The following TGDS variants were observed in gnomAD, a reference collection of about 807,000 sequenced individuals.
TGDS encodes UDP-D-glucose 4,6-dehydratase.
Under a neutral mutation model 52.3 loss-of-function variants are expected in TGDS, and 47 were observed. The observed-to-expected ratio is 0.90, with a 90% confidence interval of 0.71 to 1.15. The LOEUF (loss-of-function observed/expected upper bound fraction) is 1.15. Among genes scored for constraint, TGDS ranks in the 50% most tolerant of loss-of-function variants. TGDS has a pLI of 0.00. For missense variants in TGDS, 375 were observed against 418.4 expected (o/e 0.90, Z 0.90); for synonymous variants, 115 against 136.9 (o/e 0.84, Z 1.12).
At position 94,583,453 on chromosome 13, in the gene TGDS, G is replaced by A. The variant is rs143664089; in HGVS notation, c.314-217C>T. ...AATTCTCAGAACCCAGAAAACTAAT[G>A]TTAAATTTGCAGGAAAGTTTTTTAT... On this transcript the variant is annotated intron_variant, in intron 4 of 11. Transcript: ENST00000261296. 2.6e-3 allele frequency among the ~76,000 whole-genome samples: 397 copies of A among 152,146 alleles called. 1 individual carries two copies. Among genetic ancestry groups the A allele is most frequent in the African/African-American group, 9.1e-3 (377 of 41,512 alleles).
At position 94,594,055 on chromosome 13, in the gene TGDS, T is replaced by C. The variant is rs1889293468; in HGVS notation, c.87-148A>G. On this transcript the variant is annotated intron_variant, in intron 1 of 11. Coordinates refer to ENST00000261296, the MANE Select transcript of TGDS (RefSeq NM_014305.4). Reference sequence around the variant, plus strand: ...ACAGAAAACATAACTACACTAAATATACACACATGCAAACTTTTTACCAAA... The same window carrying C: ...ACAGAAAACATAACTACACTAAATACACACACATGCAAACTTTTTACCAAA... The C allele has an allele frequency of 7.4e-6, 4 of 539,732 alleles. No homozygotes were observed. The South Asian group carries it at 1.1e-4, about 15-fold the overall frequency. 33.4% of individuals were successfully genotyped at this position (539,732 alleles called of 1,614,324 possible). A position where few individuals can be genotyped will look rare whatever the true frequency, so the allele number is the denominator to read the frequency against.
intron 1 of TGDS, among the ~76,000 whole-genome samples, chr13:94,594,895 C>G (rs1053872440): frequency 9.9e-5 from 15 of 152,282 alleles, no homozygotes; most frequent in African/African-American, 3.6e-4. Flanking sequence ...ATTACTCTTG[C>G]ATTCATCCAT....
upstream of TGDS, chr13:94,596,265 G>A: frequency 9.7e-7 from 1 of 1,029,010 alleles, no homozygotes; most frequent in Non-Finnish European, 1.4e-6. Flanking sequence ...GGCAGCTTCC[G>A]GAGACTGCTC....
In TGDS at chr13:94,587,790, G is replaced by A. The variant is rs539433093; in HGVS notation, c.313+3063C>T. Among the ~76,000 whole-genome samples, 8 of 150,678 alleles carry A rather than the reference G, an allele frequency of 5.3e-5. No homozygotes were observed. The South Asian group carries it at 1.7e-3, about 32-fold the overall frequency. The stretch of plus-strand genomic sequence containing the variant: ...AGGCGGGTGGATCACGAGGTCAGGA[G>A]ATCGAGACCGTCCTGGCTAACACGG... On this transcript the variant is annotated intron_variant, in intron 4 of 11. Coordinates refer to ENST00000261296, the MANE Select transcript of TGDS (RefSeq NM_014305.4).
chr13:94,578,279 G>T, intron 8 of TGDS, 109 bp from the exon 9 acceptor site: 1 of 1,007,558 alleles, frequency 9.9e-7, no homozygotes, highest in South Asian at 1.6e-5. Context: ...GGGGATCCCA[G>T]AATCTTTACT....
Position 94,576,516 on chromosome 13 carries a change from T to C in TGDS, c.885-105A>G, listed in dbSNP as rs1408806163. ...CATTTTTACCACAACCCAACTTTTCTCTTTACAAAAATTCCCAATAGGTTT... is the reference window on the plus strand; with the variant it reads ...CATTTTTACCACAACCCAACTTTTCCCTTTACAAAAATTCCCAATAGGTTT... On this transcript the variant is annotated intron_variant, in intron 10 of 11. Coordinates refer to ENST00000261296, the MANE Select transcript of TGDS (RefSeq NM_014305.4). The C allele has an allele frequency of 9.2e-6, 6 of 654,004 alleles. No homozygotes were observed. In the African/African-American group the frequency reaches 1.1e-4, roughly 12 times the overall value. 40.5% of individuals were successfully genotyped at this position (654,004 alleles called of 1,614,324 possible). A position where few individuals can be genotyped will look rare whatever the true frequency, so the allele number is the denominator to read the frequency against.
At chr13:94,594,979 C>T (rs751558237) in intron 1 of TGDS, among the ~76,000 whole-genome samples, 16 of 152,240 alleles carry the variant, frequency 1.1e-4, no homozygotes, top group Admixed American at 4.6e-4. Flanking sequence ...TAGTCTCTGT[C>T]CTTACCGAGT....
At chr13:94,578,645 A>T in intron 8 of TGDS, 85 bp downstream of exon 8, 1 of 1,037,022 alleles carries the variant, frequency 9.6e-7, no homozygotes, top group South Asian at 1.4e-5. Flanking sequence ...TATGGCCTTT[A>T]AGACTTTATG....
Position 94,578,147 on chromosome 13 carries a change from T to G in TGDS, c.683A>C (p.Gln228Pro), listed in dbSNP as rs753854206. 2.5e-6 allele frequency: 4 copies of G among 1,613,638 alleles called. No individual in the cohort carries two copies. In the East Asian group the frequency reaches 6.7e-5, roughly 27 times the overall value. ...RKCCIHGSGLQTRNFLYATDV... is the reference protein window; with the variant it reads ...RKCCIHGSGLPTRNFLYATDV... ...AGTAGCATAAAGGAAGTTTCTTGTT[T>G]GAAGCCCTGACCCATGAATGCAACT... The change falls in exon 9 of 12, where the codon CAA becomes CCA. Residue 228 changes from glutamine (Q) to proline (P), a missense_variant. Transcript: ENST00000261296.
intron 8 of TGDS, among the ~76,000 whole-genome samples, 161 bp downstream of exon 8, chr13:94,578,569 T>C (rs1005807571): frequency 6.6e-6 from 1 of 152,170 alleles, no homozygotes; most frequent in Non-Finnish European, 1.5e-5. Flanking sequence ...AAAAATAAGA[T>C]ACAGATTATT....
intron 2 of TGDS, among the ~76,000 whole-genome samples, 154 bp downstream of exon 2, chr13:94,593,683 TTAAA>T (rs1889281049): frequency 1.3e-5 from 2 of 152,158 alleles, no homozygotes; most frequent in Admixed American, 6.5e-5. Context: ...TTATATAAGA[TTAAA>T]TACAGCATGA....
chr13:94,592,236 C>A lies in TGDS; in HGVS notation c.222+5G>T. On this transcript the variant is annotated splice_donor_5th_base_variant and intron_variant, in intron 3 of 11. Transcript: ENST00000261296. ...CACGGTACAGTTACAAGAAAATGTT[C>A]ATACCTGTATAAATTTGTAGTTCTG... 1 of 1,601,390 alleles carries A rather than the reference C, an allele frequency of 6.2e-7. No homozygotes were observed. The highest frequency in any genetic ancestry group is 1.1e-5 in the South Asian group (1 of 89,308).
rs747218336 is a variant in TGDS, at chr13:94,596,095, G to T, written c.42C>A (p.Gly14=). The T allele has an allele frequency of 5.6e-6, 9 of 1,614,136 alleles. No individual in the cohort carries two copies. In the Middle Eastern group the frequency reaches 9.9e-4, roughly 178 times the overall value. ...TCACCAGGACCCGCTTCGCAAAGCC[G>T]CCGGGAAGACCCCACGGTTCCTCCC... ...ACWEEPWGLP[G]GFAKRVLVTG... The change falls in exon 1 of 12, where the codon GGC becomes GGA. Residue 14 remains glycine (G), a synonymous_variant. Transcript: ENST00000261296.
In TGDS at chr13:94,579,136, A is replaced by G. The variant is rs1030732319; in HGVS notation, c.616-363T>C. The G allele has an allele frequency of 2.6e-5, 4 of 156,284 alleles. No homozygotes were observed. In the South Asian group the frequency reaches 6.0e-4, roughly 24 times the overall value. The allele number at this position is 156,284 out of a possible 1,614,324, so 9.7% of individuals were successfully genotyped here. On this transcript the variant is annotated intron_variant, in intron 7 of 11. Coordinates refer to ENST00000261296, the MANE Select transcript of TGDS (RefSeq NM_014305.4). Reference sequence around the variant, plus strand: ...CACCTATGCATTAAGTGCTTCAGGAATTTATAGAAAGTAAATTCCAGTGCT... The same window carrying G: ...CACCTATGCATTAAGTGCTTCAGGAGTTTATAGAAAGTAAATTCCAGTGCT...
chr13:94,588,402 A>G (rs1889074831), intron 4 of TGDS, among the ~76,000 whole-genome samples: 1 of 123,396 alleles, frequency 8.1e-6, no homozygotes, highest in African/African-American at 3.1e-5. Flanking sequence ...CAGCCTGGGC[A>G]ATCAGCGAGA....
At chr13:94,594,102 CAA>C (rs1443262631) in intron 1 of TGDS, among the ~76,000 whole-genome samples, 195 bp from the exon 2 acceptor site, 1 of 152,044 alleles carries the variant, frequency 6.6e-6, no homozygotes, top group Non-Finnish European at 1.5e-5. Context: ...TATCTATAAA[CAA>C]AAGTTTTACA....
intron 9 of TGDS, among the ~76,000 whole-genome samples, chr13:94,577,710 T>C (rs930656600): frequency 2.0e-5 from 3 of 152,218 alleles, no homozygotes; most frequent in East Asian, 1.9e-4. Context: ...TAACTACTAA[T>C]GTAATTATTT....
At chr13:94,589,491 C>T (rs1342420636) in intron 4 of TGDS, among the ~76,000 whole-genome samples, 1 of 151,782 alleles carries the variant, frequency 6.6e-6, no homozygotes, top group Admixed American at 6.6e-5. Flanking sequence ...ATTTTTTGTA[C>T]TTTTAGTGGA....
Position 94,579,915 on chromosome 13 carries a change from T to C in TGDS, c.594A>G (p.Gly198=). 1 of 1,602,950 alleles carries C rather than the reference T, an allele frequency of 6.2e-7. No homozygotes were observed. Among genetic ancestry groups the C allele is most frequent in the Non-Finnish European group, 8.5e-7 (1 of 1,172,634 alleles). Residue 198 remains glycine (G), a synonymous_variant, in exon 7 of 12, where the codon GGA becomes GGG. Transcript: ENST00000261296. ...TTACCTTTTCTGGATATTGATGTGGTCCATAAACATTACTGCTTCTTGTGA... is the reference window on the plus strand; with the variant it reads ...TTACCTTTTCTGGATATTGATGTGGCCCATAAACATTACTGCTTCTTGTGA... The part of the protein sequence containing the change: ...VVITRSSNVY[G]PHQYPEKVIP...
Sources: gnomAD v4.1 joint callset for allele counts (sites outside exome capture counted in the v4.1 genomes callset) on GRCh38, gnomAD v4.1.1 for gene constraint, MANE v1.5 for transcripts, NCBI Gene and HGNC (gene_info 2026-07-23, HGNC 2026-07-21) for gene names.